The following GMDS variants were observed in gnomAD, a reference collection of about 807,000 sequenced individuals.
GMDS encodes the protein GDP-mannose 4,6-dehydratase.
In GMDS, 20 loss-of-function variants were observed where a neutral mutation model predicts 49.9. The observed-to-expected ratio is 0.40, with a 90% CI of 0.28 to 0.58. The LOEUF is 0.58. GMDS is among the 20% of genes least tolerant of loss of function. The pLI is 0.42. For synonymous variants in GMDS, 177 were observed against 178.6 expected (o/e 0.99, Z 0.07); for missense variants, 362 against 481.4 (o/e 0.75, Z 2.32).
At chr6:1,638,226 G>C (rs1162211012) in intron 9 of GMDS, among the ~76,000 whole-genome samples, 1 of 152,058 alleles carries the variant, frequency 6.6e-6, no homozygotes, top group South Asian at 2.1e-4. Flanking sequence ...AATGAGCATG[G>C]TCTCTTCATG....
Position 1,908,123 on chromosome 6 carries a change from G to T in GMDS, c.771+21980C>A, listed in dbSNP as rs79920867. Among the ~76,000 whole-genome samples the T allele has an allele frequency of 7.6e-3, 1,161 of 152,254 alleles. 68 individuals carry two copies. The East Asian group carries it at 0.15, about 20-fold the overall frequency. The stretch of plus-strand genomic sequence containing the variant: ...AACAGTCAATCTGATAACCAAGGAG[G>T]CTACTAAGAGACTAATGGGTGGGGA... On this transcript the variant is annotated intron_variant, in intron 7 of 10. Coordinates refer to ENST00000380815, the MANE Select transcript of GMDS (RefSeq NM_001500.4).
At chr6:1,648,929 A>G (rs1763565763) in intron 9 of GMDS, among the ~76,000 whole-genome samples, 1 of 152,198 alleles carries the variant, frequency 6.6e-6, no homozygotes, top group Admixed American at 6.5e-5. Context: ...ACATTTCCAG[A>G]TATAATGGTT....
intron 7 of GMDS, among the ~76,000 whole-genome samples, chr6:1,784,716 C>T (rs949479184): frequency 7.2e-5 from 11 of 152,336 alleles, no homozygotes; most frequent in African/African-American, 2.6e-4. Context: ...TTTTCCCATG[C>T]TTCACAGTGT....
At chr6:2,062,281 T>C (rs1224638283) in intron 4 of GMDS, among the ~76,000 whole-genome samples, 3 of 152,140 alleles carry the variant, frequency 2.0e-5, no homozygotes, top group South Asian at 2.1e-4. Context: ...TTCTGGGGCA[T>C]TGTCTCCCTT....
chr6:2,020,136 C>T (rs1331386851), intron 4 of GMDS, among the ~76,000 whole-genome samples: 5 of 151,974 alleles, frequency 3.3e-5, no homozygotes, highest in African/African-American at 9.7e-5. Flanking sequence ...TGCTATGAGC[C>T]TTAGGAGTTT....
At chr6:1,785,570 T>A (rs3800068) in intron 7 of GMDS, among the ~76,000 whole-genome samples, 3 of 152,108 alleles carry the variant, frequency 2.0e-5, no homozygotes, top group African/African-American at 7.2e-5. Flanking sequence ...CCCTTGGGCA[T>A]CCTCCCAGGA....
chr6:1,886,184 A>G (rs1759596778), intron 7 of GMDS, among the ~76,000 whole-genome samples: 2 of 152,208 alleles, frequency 1.3e-5, no homozygotes, highest in Admixed American at 1.3e-4. Flanking sequence ...AACTTAGCAT[A>G]CTTCCATCAA....
At chr6:2,169,701 A>G (rs886535357) in intron 1 of GMDS, among the ~76,000 whole-genome samples, 6 of 152,002 alleles carry the variant, frequency 3.9e-5, no homozygotes, top group Admixed American at 3.9e-4. Context: ...AGAATAACTT[A>G]TTTTTCCCTT....
intron 1 of GMDS, among the ~76,000 whole-genome samples, chr6:2,222,074 C>T (rs1455834992): frequency 3.9e-5 from 6 of 152,206 alleles, no homozygotes; most frequent in African/African-American, 7.2e-5. Context: ...GTCTAGGCTC[C>T]CCTGCATGGA....
At chr6:2,169,256 A>G (rs1777821733) in intron 1 of GMDS, among the ~76,000 whole-genome samples, 1 of 152,244 alleles carries the variant, frequency 6.6e-6, no homozygotes, top group South Asian at 2.1e-4. Context: ...AAAATACTTA[A>G]AAGTCCATTT....
At chr6:1,672,771 A>T (rs968298488) in intron 9 of GMDS, among the ~76,000 whole-genome samples, 1 of 152,204 alleles carries the variant, frequency 6.6e-6, no homozygotes, top group Non-Finnish European at 1.5e-5. Context: ...AACAGTGGTG[A>T]TGCAAAATTC....
chr6:1,776,971 G>A (rs928990898), intron 7 of GMDS, among the ~76,000 whole-genome samples: 2 of 152,340 alleles, frequency 1.3e-5, no homozygotes, highest in Non-Finnish European at 2.9e-5. Flanking sequence ...ATCTGTAGGT[G>A]GGGATCTGGC....
At chr6:2,132,460 C>T (rs1391046556) in intron 1 of GMDS, among the ~76,000 whole-genome samples, 2 of 152,186 alleles carry the variant, frequency 1.3e-5, no homozygotes, top group African/African-American at 4.8e-5. Flanking sequence ...TATGTTTCAA[C>T]ATTGGCTAGG....
chr6:1,917,880 G>A (rs567104133), intron 7 of GMDS, among the ~76,000 whole-genome samples: 1 of 152,294 alleles, frequency 6.6e-6, no homozygotes, highest in African/African-American at 2.4e-5. Flanking sequence ...CAAGAACAGG[G>A]ATATGTCGTC....
intron 1 of GMDS, among the ~76,000 whole-genome samples, chr6:2,127,060 CA>C (rs1703973927): frequency 6.6e-6 from 1 of 152,120 alleles, no homozygotes; most frequent in Admixed American, 6.5e-5. Context: ...ACCGTTTTTA[CA>C]TATCTAAAAT....
intron 4 of GMDS, among the ~76,000 whole-genome samples, chr6:2,088,834 G>GA (rs1227935909): frequency 6.6e-6 from 1 of 152,098 alleles, no homozygotes; most frequent in Admixed American, 6.6e-5. Flanking sequence ...GGGATACACT[G>GA]AGAAACTGAG....
intron 1 of GMDS, among the ~76,000 whole-genome samples, chr6:2,144,271 A>C (rs937675297): frequency 1.3e-5 from 2 of 152,208 alleles, no homozygotes; most frequent in Non-Finnish European, 2.9e-5. Context: ...TGTGGTCACA[A>C]GAGGCCACAC....
chr6:1,736,325 TAG>T (rs541198301), intron 8 of GMDS, among the ~76,000 whole-genome samples: 284 of 151,840 alleles, frequency 1.9e-3, no homozygotes, highest in African/African-American at 6.6e-3. Context: ...AGGAGGGAGG[TAG>T]AGAGACAGAG....
At chr6:1,788,075 C>A (rs1769391562) in intron 7 of GMDS, among the ~76,000 whole-genome samples, 4 of 152,060 alleles carry the variant, frequency 2.6e-5, no homozygotes, top group Admixed American at 2.6e-4. Context: ...GGAATATTAA[C>A]ATGTGGAGGT....
Sources: gnomAD v4.1 joint callset for allele counts (sites outside exome capture counted in the v4.1 genomes callset) on GRCh38, gnomAD v4.1.1 for gene constraint, MANE v1.5 for transcripts, NCBI Gene and HGNC (gene_info 2026-07-23, HGNC 2026-07-21) for gene names.